Variants in IMMP2L observed in about 807,000 individuals in gnomAD.
The protein encoded by IMMP2L is mitochondrial inner membrane protease subunit 2.
Under a neutral mutation model 19.3 loss-of-function variants are expected in IMMP2L, and 18 were observed. The observed-to-expected ratio is 0.93, with a 90% CI of 0.64 to 1.38. IMMP2L has a LOEUF of 1.38. IMMP2L is among the 40% of genes most tolerant of loss of function. The probability of loss-of-function intolerance (pLI) is 0.00; values close to 1 mark genes in which losing one functional copy is unlikely to be tolerated. For missense variants in IMMP2L, 233 were observed against 218.2 expected (o/e 1.07, Z -0.43); for synonymous variants, 76 against 73.0 (o/e 1.04, Z -0.21).
chr7:111,093,298 A>G (rs1407926298), intron 3 of IMMP2L, among the ~76,000 whole-genome samples: 1 of 152,148 alleles, frequency 6.6e-6, no homozygotes, highest in Non-Finnish European at 1.5e-5. Flanking sequence ...AAAAACCAAA[A>G]TGATTTATTA....
intron 3 of IMMP2L, chr7:111,392,807 C>T (rs749427651): frequency 1.1e-5 from 5 of 456,456 alleles, no homozygotes; most frequent in African/African-American, 2.0e-5. Flanking sequence ...CTTACCATTA[C>T]TGGTGCATTA....
chr7:111,198,664 T>C (rs572007096), intron 3 of IMMP2L, among the ~76,000 whole-genome samples: 2 of 152,194 alleles, frequency 1.3e-5, no homozygotes, highest in African/African-American at 2.4e-5. Context: ...CATAACTGCC[T>C]ACCAAAATCT....
intron 3 of IMMP2L, chr7:111,395,031 G>A (rs898614424): frequency 3.0e-5 from 7 of 232,458 alleles, no homozygotes; most frequent in African/African-American, 9.2e-5. Flanking sequence ...GCCACCTGAT[G>A]AGTATCCTTT....
chr7:111,286,314 T>C (rs1344355585), intron 3 of IMMP2L, among the ~76,000 whole-genome samples: 1 of 152,142 alleles, frequency 6.6e-6, no homozygotes, highest in African/African-American at 2.4e-5. Context: ...CCTATGGTTG[T>C]TCATAAGACA....
chr7:110,916,506 GT>G (rs1813628428), intron 4 of IMMP2L, among the ~76,000 whole-genome samples: 1 of 152,208 alleles, frequency 6.6e-6, no homozygotes. Context: ...GAGAGTAAAA[GT>G]GAATCCTTGA....
At chr7:111,036,605 A>G (rs1376977157) in intron 3 of IMMP2L, among the ~76,000 whole-genome samples, 1 of 152,162 alleles carries the variant, frequency 6.6e-6, no homozygotes, top group African/African-American at 2.4e-5. Context: ...TAGCCAAAAA[A>G]AAGTCTCAAA....
At chr7:110,675,764 A>G (rs1457118889) in intron 5 of IMMP2L, among the ~76,000 whole-genome samples, 3 of 152,214 alleles carry the variant, frequency 2.0e-5, no homozygotes, top group African/African-American at 7.2e-5. Context: ...AAACTTTAAG[A>G]AATTCCCTAA....
rs569837183 is a variant in IMMP2L, at chr7:110,952,131, T to C, written c.305+11369A>G. Among the ~76,000 whole-genome samples, 8 of 152,232 alleles carry C rather than the reference T, an allele frequency of 5.3e-5. No individual in the cohort carries two copies. In the South Asian group the frequency reaches 1.2e-3, roughly 24 times the overall value. ...TTTCCAAATACTTGACAGACTTACA[T>C]TACCATTGACAGAGAAAAAAAACAT... On this transcript the variant is annotated intron_variant, in intron 4 of 5. Transcript: ENST00000405709.
chr7:111,040,387 T>C (rs1791780084), intron 3 of IMMP2L, among the ~76,000 whole-genome samples: 1 of 152,146 alleles, frequency 6.6e-6, no homozygotes, highest in Admixed American at 6.6e-5. Flanking sequence ...TATTGAAAAC[T>C]TTATTCAAAC....
At chr7:111,000,337 C>A (rs1199900129) in intron 3 of IMMP2L, among the ~76,000 whole-genome samples, 1 of 152,086 alleles carries the variant, frequency 6.6e-6, no homozygotes, top group Non-Finnish European at 1.5e-5. Context: ...AATAAAAGTT[C>A]TTGATAATCT....
chr7:111,143,299 G>C (rs2129599367), intron 3 of IMMP2L, among the ~76,000 whole-genome samples: 1 of 152,174 alleles, frequency 6.6e-6, no homozygotes, highest in South Asian at 2.1e-4. Flanking sequence ...ATACATATCT[G>C]AGGAATCCTA....
At chr7:110,811,136 G>C (rs1222098328) in intron 5 of IMMP2L, among the ~76,000 whole-genome samples, 1 of 151,970 alleles carries the variant, frequency 6.6e-6, no homozygotes, top group African/African-American at 2.4e-5. Flanking sequence ...CTCGGGTAAT[G>C]AAACCAGTGA....
At chr7:111,386,929 G>C (rs976662235) in intron 3 of IMMP2L, among the ~76,000 whole-genome samples, 5 of 152,036 alleles carry the variant, frequency 3.3e-5, no homozygotes, top group Non-Finnish European at 7.4e-5. Context: ...CACAAAAGAG[G>C]CAAAAGAGAT....
intron 4 of IMMP2L, among the ~76,000 whole-genome samples, chr7:110,892,244 A>G (rs1810875780): frequency 6.6e-6 from 1 of 152,152 alleles, no homozygotes; most frequent in African/African-American, 2.4e-5. Flanking sequence ...ATATCGCAGG[A>G]AAAAAGTCTG....
intron 3 of IMMP2L, among the ~76,000 whole-genome samples, chr7:111,443,023 C>A (rs1837904073): frequency 6.6e-6 from 1 of 151,918 alleles, no homozygotes; most frequent in African/African-American, 2.4e-5. Context: ...TTCAGACATA[C>A]TGAGGATTTT....
At chr7:110,923,961 G>A (rs1334171502) in intron 4 of IMMP2L, among the ~76,000 whole-genome samples, 3 of 152,148 alleles carry the variant, frequency 2.0e-5, no homozygotes, top group East Asian at 3.9e-4. Flanking sequence ...CCCCACTGAT[G>A]CACAGGGGAA....
chr7:110,896,491 T>TGTTTAGAAAA lies in IMMP2L; in HGVS notation c.306-9797_306-9796insTTTTCTAAAC, dbSNP rs1811336461. Among the ~76,000 whole-genome samples the TGTTTAGAAAA allele has an allele frequency of 2.2e-5, 2 of 91,568 alleles. 1 individual carries two copies. Among genetic ancestry groups the TGTTTAGAAAA allele is most frequent in the Non-Finnish European group, 3.9e-5 (2 of 51,736 alleles). 60.1% of individuals were successfully genotyped at this position (91,568 alleles called of 152,430 possible). On this transcript the variant is annotated intron_variant, in intron 4 of 5. Coordinates refer to ENST00000405709, the MANE Select transcript of IMMP2L (RefSeq NM_032549.4). ...TTTTCAAAAAAAATATTTATCCATT[T>TGTTTAGAAAA]TCAATTGGATTGTTTGTCTTTTTTA...
chr7:110,970,710 T>C (rs753558197), intron 3 of IMMP2L, among the ~76,000 whole-genome samples: 5 of 152,124 alleles, frequency 3.3e-5, no homozygotes, highest in African/African-American at 7.2e-5. Context: ...AAGATGGACA[T>C]GCACTCGGAA....
intron 4 of IMMP2L, chr7:110,962,793 G>A: frequency 6.9e-6 from 8 of 1,167,830 alleles, no homozygotes; most frequent in Non-Finnish European, 8.4e-6. Flanking sequence ...AGTTTTTTTA[G>A]AAAACAGGGT....
Sources: gnomAD v4.1 joint callset for allele counts (sites outside exome capture counted in the v4.1 genomes callset) on GRCh38, gnomAD v4.1.1 for gene constraint, MANE v1.5 for transcripts, NCBI Gene and HGNC (gene_info 2026-07-23, HGNC 2026-07-21) for gene names.